The following PCDHA9 variants were observed in gnomAD, a reference collection of about 807,000 sequenced individuals.
PCDHA9 encodes protocadherin alpha 9, also known as protocadherin alpha-9.
Under a neutral mutation model 62.0 loss-of-function variants are expected in PCDHA9, and 62 were observed. That is an observed-to-expected ratio of 1.00 (90% CI 0.81 to 1.23). The LOEUF is 1.23. PCDHA9 is among the 50% of genes most tolerant of loss of function. The probability of loss-of-function intolerance (pLI) is 0.00; values close to 1 mark genes in which losing one functional copy is unlikely to be tolerated. For missense variants in PCDHA9, 1,205 were observed against 1,249.8 expected, an observed-to-expected ratio of 0.96 and a Z score of 0.54; for synonymous variants, 557 against 567.6, an observed-to-expected ratio of 0.98 and a Z score of 0.27.
chr5:140,948,497 C>G (rs1181465701), intron 1 of PCDHA9, among the ~76,000 whole-genome samples: 2 of 151,510 alleles, frequency 1.3e-5, no homozygotes, highest in Non-Finnish European at 3.0e-5. Context: ...CTTTCATAGA[C>G]TTTCTATTAA....
intron 1 of PCDHA9, chr5:140,928,243 G>A: frequency 6.2e-7 from 1 of 1,614,202 alleles, no homozygotes; most frequent in South Asian, 1.1e-5. Flanking sequence ...ACCCCAGCAG[G>A]AACTTTTCGT....
intron 1 of PCDHA9, among the ~76,000 whole-genome samples, chr5:140,897,558 T>A (rs1413076305): frequency 3.3e-5 from 5 of 152,186 alleles, no homozygotes; most frequent in African/African-American, 1.2e-4. Context: ...ATGGTGTATA[T>A]GTGCCACATT....
chr5:140,861,378 C>A, intron 1 of PCDHA9: 1 of 421,170 alleles, frequency 2.4e-6, no homozygotes. Flanking sequence ...CCCTATTGCG[C>A]AGGACCTGGG....
intron 1 of PCDHA9, among the ~76,000 whole-genome samples, chr5:140,970,269 A>G (rs1410341195): frequency 6.6e-6 from 1 of 152,184 alleles, no homozygotes; most frequent in East Asian, 1.9e-4. Flanking sequence ...TTTTGATGAG[A>G]TGTAAAGTAG....
At position 140,858,644 on chromosome 5, in the gene PCDHA9, C is replaced by T. The variant is rs1581517400; in HGVS notation, c.2394+7755C>T. ...CCAGTGTGTCAGCCTTTGATTGGTACTTAAATTTTTTTAAATAACAATTTA... is the reference window on the plus strand; with the variant it reads ...CCAGTGTGTCAGCCTTTGATTGGTATTTAAATTTTTTTAAATAACAATTTA... On this transcript the variant is annotated intron_variant, in intron 1 of 3. Coordinates refer to ENST00000532602, the MANE Select transcript of PCDHA9 (RefSeq NM_031857.2). 16 of 921,026 alleles carry T rather than the reference C, an allele frequency of 1.7e-5. 1 individual carries two copies. Among genetic ancestry groups the T allele is most frequent in the African/African-American group, 1.2e-4 (7 of 59,878 alleles). 57.1% of individuals were successfully genotyped at this position (921,026 alleles called of 1,614,324 possible).
intron 1 of PCDHA9, among the ~76,000 whole-genome samples, chr5:140,947,661 T>C (rs2094159982): frequency 6.6e-6 from 1 of 151,672 alleles, no homozygotes; most frequent in South Asian, 2.1e-4. Context: ...CTCCATTTAC[T>C]TGGGTCTTTA....
rs1588262423 is a variant in PCDHA9 at position 141,011,885 on chromosome 5, T to C, written c.*1948T>C. 1 of 153,482 alleles carries C rather than the reference T, an allele frequency of 6.5e-6. No homozygotes were observed. The highest frequency in any genetic ancestry group is 1.9e-4 in the East Asian group (1 of 5,202). 9.5% of individuals were successfully genotyped at this position (153,482 alleles called of 1,614,324 possible). ...ATAATGTACAATTTAGAAGTTTGATTAATTATATTATCTATTTAGGCATTA... is the reference window on the plus strand; with the variant it reads ...ATAATGTACAATTTAGAAGTTTGATCAATTATATTATCTATTTAGGCATTA... On this transcript the variant is annotated 3_prime_UTR_variant, in exon 4 of 4. Transcript: ENST00000532602.
At chr5:140,926,165 T>A (rs570168495) in intron 1 of PCDHA9, among the ~76,000 whole-genome samples, 31 of 151,794 alleles carry the variant, frequency 2.0e-4, no homozygotes, top group Admixed American at 1.5e-3. Flanking sequence ...TGCAGCAGGA[T>A]CCAGCGCGGA....
intron 3 of PCDHA9, among the ~76,000 whole-genome samples, chr5:141,001,745 T>A (rs2098035193): frequency 6.6e-6 from 1 of 152,200 alleles, no homozygotes; most frequent in Non-Finnish European, 1.5e-5. Flanking sequence ...CTGGGCTGTT[T>A]CAGTGGTTGA....
At chr5:140,962,431 A>G (rs782205198) in intron 1 of PCDHA9, among the ~76,000 whole-genome samples, 2 of 152,126 alleles carry the variant, frequency 1.3e-5, no homozygotes, top group Non-Finnish European at 2.9e-5. Flanking sequence ...ATTGTTACTT[A>G]TCCAAAGATG....
At chr5:140,883,121 G>C in intron 1 of PCDHA9, 12 of 1,614,070 alleles carry the variant, frequency 7.4e-6, no homozygotes, top group Non-Finnish European at 1.0e-5. Context: ...TAGAAGGCCT[G>C]TATGGCCTGC....
At chr5:140,884,938 G>A (rs2060412389) in intron 1 of PCDHA9, among the ~76,000 whole-genome samples, 1 of 152,106 alleles carries the variant, frequency 6.6e-6, no homozygotes, top group African/African-American at 2.4e-5. Context: ...TCTTGCAATT[G>A]AGCATTTACA....
chr5:140,929,285 T>C, intron 1 of PCDHA9: 15 of 1,600,688 alleles, frequency 9.4e-6, no homozygotes, highest in Non-Finnish European at 1.3e-5. Flanking sequence ...TGTATTCAGA[T>C]TCGGAATAGG....
intron 1 of PCDHA9, chr5:140,877,364 T>A: frequency 6.2e-7 from 1 of 1,613,948 alleles, no homozygotes; most frequent in Non-Finnish European, 8.5e-7. Context: ...ACTGGCGAGA[T>A]CAGCACGACA....
chr5:140,916,084 C>T (rs1330761804), intron 1 of PCDHA9, among the ~76,000 whole-genome samples: 3 of 152,186 alleles, frequency 2.0e-5, no homozygotes, highest in Non-Finnish European at 4.4e-5. Flanking sequence ...TACCACTGGT[C>T]CACAGGGAAT....
chr5:141,007,435 G>A (rs1342767950), intron 3 of PCDHA9, among the ~76,000 whole-genome samples: 1 of 150,972 alleles, frequency 6.6e-6, no homozygotes, highest in Non-Finnish European at 1.5e-5. Flanking sequence ...AGGCATGGTG[G>A]CATGTGCCTG....
rs375305711 is a variant in PCDHA9 at position 140,857,742 on chromosome 5, T to C, written c.2394+6853T>C. 63 of 1,597,390 alleles carry C rather than the reference T, an allele frequency of 3.9e-5. No homozygotes were observed. In the East Asian group the frequency reaches 5.1e-4, roughly 13 times the overall value. On this transcript the variant is annotated intron_variant, in intron 1 of 3. Coordinates refer to ENST00000532602, the MANE Select transcript of PCDHA9 (RefSeq NM_031857.2). Reference sequence around the variant, plus strand: ...GAGAACGACAACGCTCCCGCGCTGCTGGCGTCTCCCGCTGGCAGCGCGGGC... The same window carrying C: ...GAGAACGACAACGCTCCCGCGCTGCCGGCGTCTCCCGCTGGCAGCGCGGGC...
intron 1 of PCDHA9, among the ~76,000 whole-genome samples, chr5:140,949,539 A>G (rs971813092): frequency 6.6e-6 from 1 of 151,744 alleles, no homozygotes; most frequent in Admixed American, 6.6e-5. Context: ...TAAAATATCG[A>G]TTTGTTGCTG....
At chr5:140,858,220 G>A (rs1271468400) in intron 1 of PCDHA9, 1 of 1,595,980 alleles carries the variant, frequency 6.3e-7, no homozygotes, top group South Asian at 1.1e-5. Context: ...GCTCGGCGGC[G>A]CCCACCGAGG....
Sources: gnomAD v4.1 joint callset for allele counts (sites outside exome capture counted in the v4.1 genomes callset) on GRCh38, gnomAD v4.1.1 for gene constraint, MANE v1.5 for transcripts, NCBI Gene and HGNC (gene_info 2026-07-23, HGNC 2026-07-21) for gene names.